The following DLG2 variants were observed in gnomAD, a reference collection of about 807,000 sequenced individuals.
The protein encoded by DLG2 is discs large MAGUK scaffold protein 2, also known as disks large homolog 2.
Under a neutral mutation model 132.5 loss-of-function variants are expected in DLG2, and 45 were observed. The observed-to-expected ratio is 0.34, with a 90% CI of 0.27 to 0.44. The LOEUF (loss-of-function observed/expected upper bound fraction) is 0.44, where lower values mean the gene tolerates loss of function less well. Ranked by LOEUF, DLG2 falls within the 20% of genes least tolerant of loss-of-function variation. The probability of loss-of-function intolerance (pLI) is 1.00; values close to 1 mark genes in which losing one functional copy is unlikely to be tolerated. For synonymous variants in DLG2, 424 were observed against 419.6 expected, an observed-to-expected ratio of 1.01 and a Z score of -0.13; for missense variants, 1,045 against 1,196.9, an observed-to-expected ratio of 0.87 and a Z score of 1.87.
At chr11:85,336,689 G>A (rs1052108546) in intron 3 of DLG2, 2 of 152,596 alleles carry the variant, frequency 1.3e-5, no homozygotes, top group African/African-American at 4.8e-5. Context: ...TTTAGGCAAA[G>A]TAGGAGCCCA....
intron 11 of DLG2, among the ~76,000 whole-genome samples, chr11:84,028,683 T>C (rs2154086414): frequency 6.6e-6 from 1 of 152,252 alleles, no homozygotes; most frequent in Non-Finnish European, 1.5e-5. Context: ...GGTCTTTGCT[T>C]CATGAAAATT....
At chr11:84,890,144 G>T (rs985559933) in intron 6 of DLG2, among the ~76,000 whole-genome samples, 1 of 152,088 alleles carries the variant, frequency 6.6e-6, no homozygotes, top group Non-Finnish European at 1.5e-5. Context: ...AACAATTAGG[G>T]GACCTGATTG....
chr11:84,547,552 A>T (rs2099392722), intron 6 of DLG2, among the ~76,000 whole-genome samples: 1 of 152,166 alleles, frequency 6.6e-6, no homozygotes, highest in Non-Finnish European at 1.5e-5. Context: ...TTTGCTCTTG[A>T]TGTCTTCTCT....
chr11:84,744,898 T>TAAAAAAAAAAA (rs758776805), intron 6 of DLG2, among the ~76,000 whole-genome samples: 1 of 71,812 alleles, frequency 1.4e-5, no homozygotes, highest in Non-Finnish European at 2.9e-5. Context: ...AGTAAAGGTC[T>TAAAAAAAAAAA]AAAAAAAAAA....
intron 8 of DLG2, among the ~76,000 whole-genome samples, chr11:84,178,920 C>G (rs543926617): frequency 1.3e-5 from 2 of 151,932 alleles, no homozygotes; most frequent in African/African-American, 4.8e-5. Context: ...TTGCTTTTAT[C>G]TTATATGTAG....
chr11:84,467,595 C>A (rs899262421), intron 7 of DLG2, among the ~76,000 whole-genome samples: 3 of 151,026 alleles, frequency 2.0e-5, no homozygotes, highest in African/African-American at 4.9e-5. Flanking sequence ...TGGGGAGACC[C>A]TTTTACATTA....
chr11:85,318,283 A>G (rs2080824741), intron 3 of DLG2, among the ~76,000 whole-genome samples: 1 of 151,930 alleles, frequency 6.6e-6, no homozygotes, highest in Admixed American at 6.6e-5. Context: ...GTAAAAGTCT[A>G]CTACAATTTT....
intron 6 of DLG2, among the ~76,000 whole-genome samples, chr11:84,732,856 G>T (rs1314601771): frequency 6.8e-6 from 1 of 147,572 alleles, no homozygotes; most frequent in African/African-American, 2.5e-5. Context: ...TGTTCTCATT[G>T]TTCAATTCCC....
intron 6 of DLG2, among the ~76,000 whole-genome samples, chr11:84,879,308 G>A (rs1010470232): frequency 2.0e-5 from 3 of 152,096 alleles, no homozygotes; most frequent in African/African-American, 4.8e-5. Context: ...AATATTTATT[G>A]AGTGCCAAAA....
intron 5 of DLG2, among the ~76,000 whole-genome samples, chr11:85,114,809 C>T (rs1179927393): frequency 6.6e-6 from 1 of 151,902 alleles, no homozygotes; most frequent in Non-Finnish European, 1.5e-5. Context: ...TCAAACAACC[C>T]CATCCCTCCA....
intron 6 of DLG2, among the ~76,000 whole-genome samples, chr11:84,710,445 C>A (rs1402068567): frequency 1.3e-5 from 2 of 151,792 alleles, no homozygotes; most frequent in African/African-American, 4.8e-5. Flanking sequence ...AGACATGGCT[C>A]CAAGAGAAAA....
intron 18 of DLG2, among the ~76,000 whole-genome samples, chr11:83,662,517 C>T (rs946047673): frequency 6.6e-6 from 1 of 152,172 alleles, no homozygotes; most frequent in Non-Finnish European, 1.5e-5. Context: ...AAGGAACCTG[C>T]TATAATTCTG....
intron 6 of DLG2, chr11:84,955,785 C>G (rs1249953817): frequency 6.6e-6 from 1 of 152,130 alleles, no homozygotes; most frequent in Non-Finnish European, 1.5e-5. Flanking sequence ...TCTACTAGCT[C>G]ATAGAGATAA....
At chr11:85,560,697 T>G (rs896398297) in intron 3 of DLG2, among the ~76,000 whole-genome samples, 2 of 151,840 alleles carry the variant, frequency 1.3e-5, no homozygotes, top group African/African-American at 4.8e-5. Flanking sequence ...ATAAATTATA[T>G]AATATGTAAA....
At chr11:84,983,527 A>G (rs192349147) in intron 6 of DLG2, among the ~76,000 whole-genome samples, 1 of 152,196 alleles carries the variant, frequency 6.6e-6, no homozygotes, top group African/African-American at 2.4e-5. Flanking sequence ...CCTCTGACAG[A>G]GCCTACCTAA....
intron 6 of DLG2, among the ~76,000 whole-genome samples, chr11:84,753,662 C>G (rs1197829217): frequency 6.6e-6 from 1 of 152,108 alleles, no homozygotes; most frequent in Non-Finnish European, 1.5e-5. Context: ...GATGTAGAAA[C>G]TGGAGATGGA....
At chr11:84,790,376 G>T (rs2073643735) in intron 6 of DLG2, among the ~76,000 whole-genome samples, 1 of 152,054 alleles carries the variant, frequency 6.6e-6, no homozygotes, top group African/African-American at 2.4e-5. Flanking sequence ...TTTACCATTT[G>T]TATGTTTTCT....
chr11:85,533,799 G>T (rs2075382191), intron 3 of DLG2, among the ~76,000 whole-genome samples: 1 of 152,268 alleles, frequency 6.6e-6, no homozygotes, highest in East Asian at 1.9e-4. Flanking sequence ...CCTGAGAGAA[G>T]GGAATACTAA....
At chr11:84,844,756 G>A (rs555410111) in intron 6 of DLG2, among the ~76,000 whole-genome samples, 42 of 152,040 alleles carry the variant, frequency 2.8e-4, no homozygotes, top group Non-Finnish European at 4.9e-4. Context: ...TGCATGTTAC[G>A]TGTATGACAT....
Sources: allele counts gnomAD v4.1 joint callset (sites outside exome capture counted in the v4.1 genomes callset), GRCh38; gene constraint gnomAD v4.1.1; transcripts MANE v1.5; gene names NCBI Gene and HGNC (gene_info 2026-07-23, HGNC 2026-07-21).